NAALADL2: variants seen among roughly 807,000 people sequenced by gnomAD.
NAALADL2 encodes the protein N-acetylated alpha-linked acidic dipeptidase like 2, also known as inactive N-acetylated-alpha-linked acidic dipeptidase-like protein 2.
NAALADL2 carries 76 observed loss-of-function variants against 87.2 expected under a neutral mutation model. That is an observed-to-expected ratio of 0.87 (90% CI 0.72 to 1.05). The LOEUF (loss-of-function observed/expected upper bound fraction) is 1.05, where lower values mean the gene tolerates loss of function less well. Among genes scored for constraint, NAALADL2 ranks in the 50% least tolerant of loss-of-function variants. NAALADL2 has a pLI of 0.00. For missense variants in NAALADL2, 1,089 were observed against 945.8 expected (o/e 1.15, Z -1.99); for synonymous variants, 354 against 331.0 (o/e 1.07, Z -0.75).
At chr3:175,306,934 G>C (rs1219736338) in intron 4 of NAALADL2, among the ~76,000 whole-genome samples, 1 of 152,128 alleles carries the variant, frequency 6.6e-6, no homozygotes, top group African/African-American at 2.4e-5. Flanking sequence ...ATTGCATATG[G>C]AACCTACAGA....
At chr3:175,170,454 AAATATAATATATATAAATAT>A (rs1292042118) in intron 2 of NAALADL2, among the ~76,000 whole-genome samples, 5 of 146,980 alleles carry the variant, frequency 3.4e-5, no homozygotes, top group East Asian at 3.9e-4. Context: ...ATATATAAAT[AAATATAATATATATAAATAT>A]AATATAATAT....
intron 13 of NAALADL2, among the ~76,000 whole-genome samples, chr3:175,798,687 C>A (rs1233000588): frequency 1.3e-5 from 2 of 151,976 alleles, no homozygotes; most frequent in Middle Eastern, 3.2e-3. Flanking sequence ...GTGTTTTAGA[C>A]CTGAACATTT....
At chr3:175,730,451 TACAC>T (rs1195888151) in intron 11 of NAALADL2, among the ~76,000 whole-genome samples, 11 of 108,566 alleles carry the variant, frequency 1.0e-4, no homozygotes, top group Non-Finnish European at 1.5e-4. Context: ...TATACACACA[TACAC>T]ACGCACACAC....
intron 3 of NAALADL2, among the ~76,000 whole-genome samples, chr3:174,765,544 A>G (rs1713696148): frequency 6.6e-6 from 1 of 152,020 alleles, no homozygotes; most frequent in African/African-American, 2.4e-5. Flanking sequence ...GGCCCTGAAG[A>G]GGTAGGTTAT....
chr3:175,716,522 G>T (rs979577444), intron 11 of NAALADL2, among the ~76,000 whole-genome samples: 1 of 151,868 alleles, frequency 6.6e-6, no homozygotes, highest in Non-Finnish European at 1.5e-5. Context: ...TAAGCTGAGG[G>T]TTAAAGGATG....
intron 10 of NAALADL2, among the ~76,000 whole-genome samples, chr3:175,616,039 A>G (rs1033831473): frequency 2.0e-5 from 3 of 147,232 alleles, no homozygotes; most frequent in African/African-American, 7.4e-5. Context: ...ATACTGTAAT[A>G]TGTATTATAT....
At chr3:174,827,452 A>C (rs1355847323) in intron 3 of NAALADL2, among the ~76,000 whole-genome samples, 1 of 152,114 alleles carries the variant, frequency 6.6e-6, no homozygotes, top group Non-Finnish European at 1.5e-5. Flanking sequence ...CCATCTTCAA[A>C]ACAAACAACA....
At chr3:175,786,433 C>T (rs1028569760) in intron 13 of NAALADL2, among the ~76,000 whole-genome samples, 3 of 152,130 alleles carry the variant, frequency 2.0e-5, no homozygotes, top group Admixed American at 6.5e-5. Context: ...CTTCCCTTCT[C>T]CTTCATTTCA....
intron 5 of NAALADL2, among the ~76,000 whole-genome samples, chr3:175,380,484 A>G (rs1767662984): frequency 6.6e-6 from 1 of 152,198 alleles, no homozygotes; most frequent in Non-Finnish European, 1.5e-5. Flanking sequence ...GCAAAGAATT[A>G]CAGACAAAAA....
At chr3:175,517,084 C>T (rs1427831858) in intron 9 of NAALADL2, among the ~76,000 whole-genome samples, 1 of 152,156 alleles carries the variant, frequency 6.6e-6, no homozygotes, top group African/African-American at 2.4e-5. Context: ...TTTTTAATAA[C>T]AATTCAATCT....
chr3:175,226,165 T>C (rs540301736), intron 2 of NAALADL2, among the ~76,000 whole-genome samples: 82 of 152,208 alleles, frequency 5.4e-4, no homozygotes, highest in African/African-American at 1.9e-3. Context: ...GTACCATATT[T>C]TCGTTGATCA....
chr3:174,948,317 T>C (rs942661570), intron 1 of NAALADL2, among the ~76,000 whole-genome samples: 52 of 152,000 alleles, frequency 3.4e-4, no homozygotes, highest in Non-Finnish European at 2.5e-4. Flanking sequence ...GCTGGGACTA[T>C]AGGCGTGTGC....
chr3:174,743,386 A>G (rs1219268437), intron 3 of NAALADL2, among the ~76,000 whole-genome samples: 1 of 151,858 alleles, frequency 6.6e-6, no homozygotes, highest in Admixed American at 6.6e-5. Context: ...CTTAAAGCAC[A>G]CAGGTCATTT....
At chr3:174,734,360 T>C (rs1732991021) in intron 2 of NAALADL2, among the ~76,000 whole-genome samples, 1 of 152,170 alleles carries the variant, frequency 6.6e-6, no homozygotes, top group African/African-American at 2.4e-5. Context: ...TATTTGAAGA[T>C]TGAGCTGCTA....
At chr3:174,872,733 T>TAC (rs140990241) in intron 1 of NAALADL2, among the ~76,000 whole-genome samples, 4,334 of 148,496 alleles carry the variant, frequency 0.029, 172 homozygotes, top group African/African-American at 0.096. Flanking sequence ...CACACACACA[T>TAC]ACACACACAC....
At chr3:174,790,984 A>C (rs1189071893) in intron 3 of NAALADL2, among the ~76,000 whole-genome samples, 1 of 152,138 alleles carries the variant, frequency 6.6e-6, no homozygotes, top group East Asian at 1.9e-4. Context: ...GTTTGCTTTT[A>C]TTAGCTTTGA....
At chr3:175,381,845 ACAGCCATAGGTAGTGG>A (rs1159876855) in intron 5 of NAALADL2, among the ~76,000 whole-genome samples, 2 of 152,170 alleles carry the variant, frequency 1.3e-5, no homozygotes, top group African/African-American at 4.8e-5. Context: ...GACAGTGAGA[ACAGCCATAGGTAGTGG>A]CAGCAGCGGG....
chr3:175,064,944 G>A (rs74857606), intron 1 of NAALADL2, among the ~76,000 whole-genome samples: 17,007 of 152,004 alleles, frequency 0.11, 1,086 homozygotes, highest in East Asian at 0.21. Flanking sequence ...TAAATAATGC[G>A]TAGTTTGAAA....
chr3:175,425,601 GT>G (rs1302532405), intron 5 of NAALADL2, among the ~76,000 whole-genome samples: 10 of 152,100 alleles, frequency 6.6e-5, no homozygotes, highest in African/African-American at 2.4e-4. Flanking sequence ...ATTGGAGTCT[GT>G]GGCCTCTGGT....
Sources: gnomAD v4.1 joint callset for allele counts (sites outside exome capture counted in the v4.1 genomes callset) on GRCh38, gnomAD v4.1.1 for gene constraint, MANE v1.5 for transcripts, NCBI Gene and HGNC (gene_info 2026-07-23, HGNC 2026-07-21) for gene names.